The following RPS6KC1 variants were observed in gnomAD, a reference collection of about 807,000 sequenced individuals.
The protein encoded by RPS6KC1 is ribosomal protein S6 kinase C1, also known as inactive ribosomal protein S6 kinase delta-1.
A neutral mutation model predicts 103.8 loss-of-function variants in RPS6KC1; 54 were observed. That is an observed-to-expected ratio of 0.52 (90% CI 0.42 to 0.65). The LOEUF is 0.65. RPS6KC1 is among the 30% of genes least tolerant of loss of function. The pLI, the probability that RPS6KC1 is intolerant of heterozygous loss-of-function variation, is 0.00. For synonymous variants in RPS6KC1, 439 were observed against 438.7 expected (o/e 1.00, Z -0.01); for missense variants, 1,151 against 1,253.8 (o/e 0.92, Z 1.24).
At chr1:213,353,706 C>G in the RPS6KC1 span, among the ~76,000 whole-genome samples, 4 of 152,192 alleles carry the variant, frequency 2.6e-5, no homozygotes, top group Non-Finnish European at 4.4e-5. Flanking sequence ...CAGGGCTGAG[C>G]TCTTATTATG....
At chr1:213,419,934 A>G in the RPS6KC1 span, among the ~76,000 whole-genome samples, 435 of 152,192 alleles carry the variant, frequency 2.9e-3, 2 homozygotes, top group African/African-American at 1.0e-2. Context: ...TGTTTTTGAG[A>G]TATTTTCATT....
At chr1:213,826,051 A>C in the RPS6KC1 span, among the ~76,000 whole-genome samples, 3 of 152,210 alleles carry the variant, frequency 2.0e-5, no homozygotes, top group Non-Finnish European at 4.4e-5. Context: ...GTCATCTTCA[A>C]AATGATTTAC....
the RPS6KC1 span, among the ~76,000 whole-genome samples, chr1:213,492,046 C>A: frequency 6.6e-6 from 1 of 152,304 alleles, no homozygotes; most frequent in East Asian, 1.9e-4. Flanking sequence ...CTCCCTCCCC[C>A]GTATGTAAGC....
Position 213,129,740 on chromosome 1 carries a change from GTTT to G in RPS6KC1, c.687_689del (p.Ser229_Leu230delinsArg). 1 of 1,614,102 alleles carries G rather than the reference GTTT, an allele frequency of 6.2e-7. No homozygotes were observed. The highest frequency in any genetic ancestry group is 1.1e-5 in the South Asian group (1 of 91,084). On this transcript the variant is annotated inframe_deletion, in exon 6 of 15. Transcript: ENST00000366960. Reference sequence around the variant, plus strand: ...GAAAGTCGTAGCCTCTTTCCTGGCAGTTTAAAGCCGAAGCTTGGCAAGAGAGAT... The same window carrying G: ...GAAAGTCGTAGCCTCTTTCCTGGCAGAAAGCCGAAGCTTGGCAAGAGAGAT...
At chr1:213,445,743 G>A in the RPS6KC1 span, among the ~76,000 whole-genome samples, 2 of 152,194 alleles carry the variant, frequency 1.3e-5, no homozygotes, top group South Asian at 2.1e-4. Context: ...CCACACTTTC[G>A]CCTGGGAAAT....
the RPS6KC1 span, among the ~76,000 whole-genome samples, chr1:213,526,703 T>G: frequency 6.6e-6 from 1 of 152,154 alleles, no homozygotes; most frequent in Admixed American, 6.5e-5. Context: ...GAGCCTCCAT[T>G]TCCTCATCTA....
chr1:213,176,563 T>C, intron 8 of RPS6KC1, 71 bp downstream of exon 8: 3 of 1,026,584 alleles, frequency 2.9e-6, no homozygotes, highest in Non-Finnish European at 4.4e-6. Flanking sequence ...TCTTTGAAGC[T>C]TTGGATCTTA....
the RPS6KC1 span, among the ~76,000 whole-genome samples, chr1:213,284,019 A>G: frequency 2.0e-5 from 3 of 152,216 alleles, no homozygotes; most frequent in African/African-American, 4.8e-5. Context: ...TAATACCTTT[A>G]CAAATAAAGG....
the RPS6KC1 span, among the ~76,000 whole-genome samples, chr1:213,539,566 G>C: frequency 6.6e-6 from 1 of 152,170 alleles, no homozygotes; most frequent in South Asian, 2.1e-4. Flanking sequence ...ATGCACATTG[G>C]GGAAAGTTGC....
At chr1:213,687,177 C>T in the RPS6KC1 span, among the ~76,000 whole-genome samples, 1 of 152,174 alleles carries the variant, frequency 6.6e-6, no homozygotes, top group Non-Finnish European at 1.5e-5. Flanking sequence ...TATCCTGTGA[C>T]TAAGAATGTC....
chr1:213,845,854 A>G, the RPS6KC1 span, among the ~76,000 whole-genome samples: 1 of 152,086 alleles, frequency 6.6e-6, no homozygotes, highest in African/African-American at 2.4e-5. Flanking sequence ...TTAAACATAA[A>G]ACCCTTAAAA....
chr1:213,672,670 T>A, the RPS6KC1 span, among the ~76,000 whole-genome samples: 1 of 152,220 alleles, frequency 6.6e-6, no homozygotes, highest in Non-Finnish European at 1.5e-5. Context: ...CCTTATCCAC[T>A]CTGAGTGTTT....
chr1:213,305,540 C>T, the RPS6KC1 span, among the ~76,000 whole-genome samples: 1 of 152,220 alleles, frequency 6.6e-6, no homozygotes, highest in African/African-American at 2.4e-5. Context: ...CAACTCCGTT[C>T]AGCTGAGTGT....
At chr1:213,773,235 T>TCTTCCCTGCTGCAGCCAAA in the RPS6KC1 span, among the ~76,000 whole-genome samples, 1 of 151,036 alleles carries the variant, frequency 6.6e-6, no homozygotes, top group African/African-American at 2.4e-5. Flanking sequence ...TCAAGGGGAA[T>TCTTCCCTGCTGCAGCCAAA]CTTCCCTGTT....
the RPS6KC1 span, among the ~76,000 whole-genome samples, chr1:213,461,699 G>A: frequency 1.8e-4 from 28 of 152,208 alleles, no homozygotes; most frequent in African/African-American, 6.0e-4. Context: ...CTACTTAATG[G>A]TGTTGGGAAA....
intron 8 of RPS6KC1, among the ~76,000 whole-genome samples, chr1:213,220,924 G>A (rs2093815841): frequency 6.6e-6 from 1 of 151,954 alleles, no homozygotes; most frequent in South Asian, 2.1e-4. Flanking sequence ...TTAAATATAT[G>A]GCATCAGGTT....
At chr1:213,651,637 A>G in the RPS6KC1 span, among the ~76,000 whole-genome samples, 4 of 152,204 alleles carry the variant, frequency 2.6e-5, no homozygotes, top group African/African-American at 9.6e-5. Flanking sequence ...AGGTTGAGAC[A>G]CTTATTCACA....
At chr1:213,332,098 G>A in the RPS6KC1 span, among the ~76,000 whole-genome samples, 2 of 151,904 alleles carry the variant, frequency 1.3e-5, no homozygotes, top group African/African-American at 4.8e-5. Flanking sequence ...TGTGTCCCAG[G>A]TTGGATAATG....
the RPS6KC1 span, among the ~76,000 whole-genome samples, chr1:213,716,321 T>C: frequency 1.3e-5 from 2 of 152,106 alleles, no homozygotes; most frequent in Non-Finnish European, 2.9e-5. Flanking sequence ...ATCCTGGGGC[T>C]CCCTGCCTAA....
Sources: gnomAD v4.1 joint callset for allele counts (sites outside exome capture counted in the v4.1 genomes callset) on GRCh38, gnomAD v4.1.1 for gene constraint, MANE v1.5 for transcripts, NCBI Gene and HGNC (gene_info 2026-07-23, HGNC 2026-07-21) for gene names.